The following HAUS2 variants were observed in gnomAD, a reference collection of about 807,000 sequenced individuals.
The protein encoded by HAUS2 is HAUS augmin like complex subunit 2.
Under a neutral mutation model 21.6 loss-of-function variants are expected in HAUS2, and 20 were observed. The observed-to-expected ratio is 0.93, with a 90% CI of 0.65 to 1.35. The LOEUF (loss-of-function observed/expected upper bound fraction) is 1.35. Among genes scored for constraint, HAUS2 ranks in the 40% most tolerant of loss-of-function variants. The probability of loss-of-function intolerance (pLI) is 0.00; values close to 1 mark genes in which losing one functional copy is unlikely to be tolerated. For synonymous variants in HAUS2, 113 were observed against 95.6 expected, an observed-to-expected ratio of 1.18 and a Z score of -1.06; for missense variants, 297 against 280.7, an observed-to-expected ratio of 1.06 and a Z score of -0.42.
Position 42,558,182 on chromosome 15 carries a change from A to G in HAUS2, c.94-16A>G, listed in dbSNP as rs3986280. ...TTTGTGACATTCTGCTACTTTCCTT[A>G]TTCATTTACCAATAGGAGATGTTAA... is the stretch of plus-strand genomic sequence containing the variant. On this transcript the variant is annotated splice_polypyrimidine_tract_variant and intron_variant, in intron 1 of 5. Transcript: ENST00000260372. 0.25 allele frequency: 283,872 copies of G among 1,129,120 alleles called. 40,334 individuals are homozygous for G. The highest frequency in any genetic ancestry group is 0.52 in the African/African-American group (33,964 of 64,850). The allele number at this position is 1,129,120 out of a possible 1,614,324, so 69.9% of individuals were successfully genotyped here. A position where few individuals can be genotyped will look rare whatever the true frequency, so the allele number is the denominator to read the frequency against.
chr15:42,562,367 G>A (rs972650167), intron 4 of HAUS2, among the ~76,000 whole-genome samples: 1 of 152,162 alleles, frequency 6.6e-6, no homozygotes, highest in African/African-American at 2.4e-5. Context: ...AGGCCGAGGT[G>A]GCTGATCACT....
chr15:42,549,817 AACGTG>A (rs2057703207), intron 1 of HAUS2, among the ~76,000 whole-genome samples: 1 of 149,556 alleles, frequency 6.7e-6, no homozygotes, highest in Non-Finnish European at 1.5e-5. Flanking sequence ...AAGACCTTGG[AACGTG>A]AATGGAGGAA....
At chr15:42,549,313 C>G (rs1008156437) in intron 1 of HAUS2, among the ~76,000 whole-genome samples, 1 of 152,064 alleles carries the variant, frequency 6.6e-6, no homozygotes, top group Non-Finnish European at 1.5e-5. Context: ...ACGGGTCGTT[C>G]TGTCCCCTTG....
intron 5 of HAUS2, among the ~76,000 whole-genome samples, chr15:42,564,268 TAAAAAAA>T (rs750975585): frequency 7.7e-6 from 1 of 130,500 alleles, no homozygotes; most frequent in Non-Finnish European, 1.7e-5. Flanking sequence ...CATCTCCCAT[TAAAAAAA>T]AAAAAAAAAA....
At chr15:42,556,122 ATTT>A (rs760982814) in intron 1 of HAUS2, among the ~76,000 whole-genome samples, 4 of 133,540 alleles carry the variant, frequency 3.0e-5, no homozygotes, top group Non-Finnish European at 3.2e-5. Flanking sequence ...CGCCTGGCTA[ATTT>A]TTTTTTTTTT....
chr15:42,565,511 A>C (rs139008082), intron 5 of HAUS2, among the ~76,000 whole-genome samples: 151 of 152,098 alleles, frequency 9.9e-4, no homozygotes, highest in African/African-American at 3.5e-3. Flanking sequence ...TGGATAGAGC[A>C]GACTGAGCCT....
At chr15:42,551,977 T>G (rs980131908) in intron 1 of HAUS2, among the ~76,000 whole-genome samples, 4 of 152,152 alleles carry the variant, frequency 2.6e-5, no homozygotes, top group Non-Finnish European at 5.9e-5. Context: ...TGGTTTTACT[T>G]TAAGCAAACT....
At chr15:42,563,709 A>C in intron 4 of HAUS2, 40 bp from the exon 5 acceptor site, 1 of 986,830 alleles carries the variant, frequency 1.0e-6, no homozygotes, top group East Asian at 2.4e-5. Context: ...TAAAACAATT[A>C]AACTTTAAAA....
Position 42,563,873 on chromosome 15 carries a change from G to C in HAUS2, c.498+16G>C, listed in dbSNP as rs750932638. On this transcript the variant is annotated intron_variant, in intron 5 of 5. Transcript: ENST00000260372. The stretch of plus-strand genomic sequence containing the variant: ...AAAGAAAATGGTGAGTATTAATATA[G>C]CAATCTTCAGTTATTTTTTACTAGA... 2.4e-5 allele frequency: 27 copies of C among 1,104,414 alleles called. No individual in the cohort carries two copies. The highest frequency in any genetic ancestry group is 3.5e-5 in the Non-Finnish European group (26 of 736,540). 68.4% of individuals were successfully genotyped at this position (1,104,414 alleles called of 1,614,324 possible). A position where few individuals can be genotyped will look rare whatever the true frequency, so the allele number is the denominator to read the frequency against.
intron 3 of HAUS2, among the ~76,000 whole-genome samples, chr15:42,560,345 C>G (rs1376569001): frequency 6.6e-6 from 1 of 151,492 alleles, no homozygotes; most frequent in Non-Finnish European, 1.5e-5. Context: ...TAAAAAATAT[C>G]ATGCTGTCTG....
intron 1 of HAUS2, among the ~76,000 whole-genome samples, chr15:42,553,515 C>T (rs990289261): frequency 4.6e-5 from 7 of 151,628 alleles, no homozygotes; most frequent in African/African-American, 1.7e-4. Flanking sequence ...AAGTCTCAAT[C>T]CTCAAATAGT....
intron 2 of HAUS2, among the ~76,000 whole-genome samples, 178 bp from the exon 3 acceptor site, chr15:42,559,161 G>A (rs1349473214): frequency 1.4e-5 from 2 of 146,300 alleles, no homozygotes; most frequent in African/African-American, 5.1e-5. Flanking sequence ...TTGAGACAGA[G>A]TCTCACTCTG....
intron 5 of HAUS2, among the ~76,000 whole-genome samples, chr15:42,564,453 C>G (rs1378005344): frequency 2.0e-5 from 3 of 152,050 alleles, no homozygotes; most frequent in Non-Finnish European, 2.9e-5. Flanking sequence ...TAGATATGAC[C>G]AATCCCTGCC....
chr15:42,554,434 C>A (rs1321424271), intron 1 of HAUS2, among the ~76,000 whole-genome samples: 1 of 151,832 alleles, frequency 6.6e-6, no homozygotes, highest in African/African-American at 2.4e-5. Context: ...AAACTCTGTA[C>A]TATTCCCTAT....
chr15:42,556,111 A>G (rs1026923335), intron 1 of HAUS2, among the ~76,000 whole-genome samples: 8 of 143,828 alleles, frequency 5.6e-5, no homozygotes, highest in African/African-American at 2.1e-4. Flanking sequence ...GCCTGCCACC[A>G]CGCCTGGCTA....
intron 1 of HAUS2, among the ~76,000 whole-genome samples, chr15:42,550,691 C>T (rs573078603): frequency 5.9e-4 from 90 of 151,920 alleles, no homozygotes; most frequent in Non-Finnish European, 2.5e-4. Flanking sequence ...TTTTTTGAGA[C>T]GGAGTCTCGC....
At chr15:42,556,457 G>T (rs534346439) in intron 1 of HAUS2, among the ~76,000 whole-genome samples, 34 of 151,190 alleles carry the variant, frequency 2.2e-4, no homozygotes, top group Admixed American at 1.4e-3. Context: ...TAGAGACGGG[G>T]TTTCACCATG....
At chr15:42,560,894 G>T in intron 3 of HAUS2, 1 of 698,362 alleles carries the variant, frequency 1.4e-6, no homozygotes, top group Non-Finnish European at 2.6e-6. Flanking sequence ...CACCAGCTAA[G>T]GTGACTCTTT....
In HAUS2 at chr15:42,567,358, G is replaced by A. The variant is rs535091339; in HGVS notation, c.*542G>A. 7.1e-4 allele frequency: 110 copies of A among 154,206 alleles called. No individual in the cohort carries two copies. The highest frequency in any genetic ancestry group is 1.2e-3 in the Non-Finnish European group (84 of 69,756). The allele number at this position is 154,206 out of a possible 1,614,324, so 9.6% of individuals were successfully genotyped here. A position where few individuals can be genotyped will look rare whatever the true frequency, so the allele number is the denominator to read the frequency against. ...CATGGTTGCAATGAGTCATGATCACGCCACTGCGCTACAGCCTGGGCGACA... is the reference window on the plus strand; with the variant it reads ...CATGGTTGCAATGAGTCATGATCACACCACTGCGCTACAGCCTGGGCGACA... On this transcript the variant is annotated 3_prime_UTR_variant, in exon 6 of 6. Coordinates refer to ENST00000260372, the MANE Select transcript of HAUS2 (RefSeq NM_018097.3).
Sources: allele counts gnomAD v4.1 joint callset (sites outside exome capture counted in the v4.1 genomes callset), GRCh38; gene constraint gnomAD v4.1.1; transcripts MANE v1.5; gene names NCBI Gene and HGNC (gene_info 2026-07-23, HGNC 2026-07-21).